XDH: variants seen among roughly 807,000 people sequenced by gnomAD.
The protein encoded by XDH is xanthine dehydrogenase, also known as xanthine dehydrogenase/oxidase.
XDH carries 138 observed loss-of-function variants against 156.1 expected under a neutral mutation model. The observed-to-expected ratio is 0.88, with a 90% confidence interval of 0.77 to 1.02. The LOEUF (loss-of-function observed/expected upper bound fraction) is 1.02, where lower values mean the gene tolerates loss of function less well. Among genes scored for constraint, XDH ranks in the 50% least tolerant of loss-of-function variants. XDH has a pLI of 0.00. For missense variants in XDH, 1,849 were observed against 1,684.9 expected, an observed-to-expected ratio of 1.10 and a Z score of -1.71; for synonymous variants, 669 against 625.7, an observed-to-expected ratio of 1.07 and a Z score of -1.03.
At chr2:31,367,889 A>T in intron 20 of XDH, 72 bp downstream of exon 20, 3 of 1,394,992 alleles carry the variant, frequency 2.2e-6, no homozygotes, top group Admixed American at 1.7e-5. Flanking sequence ...TTCAGGGTTC[A>T]ATGCATATCT....
At chr2:31,384,808 C>T (rs945555646) in intron 9 of XDH, among the ~76,000 whole-genome samples, 1 of 152,160 alleles carries the variant, frequency 6.6e-6, no homozygotes, top group Non-Finnish European at 1.5e-5. Flanking sequence ...TTTTGAATAT[C>T]AGCTTCCAGG....
chr2:31,378,107 AAAGGAAGGAAGGAAGGAAGGAAGG>A (rs1210425191), intron 13 of XDH, among the ~76,000 whole-genome samples: 76 of 54,484 alleles, frequency 1.4e-3, no homozygotes, highest in Non-Finnish European at 1.6e-3. Context: ...AGAAAGAAAG[AAAGGAAGGAAGGAAGGAAGGAAGG>A]AAGGAAGGAA....
At chr2:31,383,567 C>T (rs558167651) in intron 10 of XDH, among the ~76,000 whole-genome samples, 188 bp downstream of exon 10, 47 of 152,158 alleles carry the variant, frequency 3.1e-4, no homozygotes, top group African/African-American at 1.0e-3. Flanking sequence ...TGCCCACTGG[C>T]ACCCTACCAT....
At chr2:31,336,884 C>A in intron 35 of XDH, among the ~76,000 whole-genome samples, 1 of 75,492 alleles carries the variant, frequency 1.3e-5, no homozygotes, top group Non-Finnish European at 2.8e-5. Flanking sequence ...GTTGCAGTTG[C>A]AAAGGCAATT....
intron 35 of XDH, among the ~76,000 whole-genome samples, chr2:31,337,108 C>T (rs1160399961): frequency 2.0e-5 from 3 of 152,016 alleles, no homozygotes; most frequent in Non-Finnish European, 4.4e-5. Flanking sequence ...AATCAATCAC[C>T]CTATAATGGA....
At chr2:31,365,234 A>C (rs1685877476) in intron 23 of XDH, among the ~76,000 whole-genome samples, 1 of 152,222 alleles carries the variant, frequency 6.6e-6, no homozygotes, top group African/African-American at 2.4e-5. Flanking sequence ...AAATCCACAG[A>C]AGTCACGAAT....
chr2:31,350,535 C>T (rs912194525), intron 24 of XDH, among the ~76,000 whole-genome samples: 3 of 151,944 alleles, frequency 2.0e-5, no homozygotes, highest in Non-Finnish European at 4.4e-5. Flanking sequence ...CACCACACGC[C>T]CAGCTAATTT....
intron 1 of XDH, among the ~76,000 whole-genome samples, chr2:31,408,153 C>T (rs1328177277): frequency 6.6e-6 from 1 of 152,164 alleles, no homozygotes; most frequent in Non-Finnish European, 1.5e-5. Flanking sequence ...AGCCTTTCTC[C>T]CTTCTACTTC....
At chr2:31,375,119 G>A (rs1280515355) in intron 15 of XDH, among the ~76,000 whole-genome samples, 2 of 137,998 alleles carry the variant, frequency 1.4e-5, no homozygotes, top group Non-Finnish European at 3.0e-5. Flanking sequence ...TCCACCTCCC[G>A]AGTTCAAGTG....
At chr2:31,383,301 T>C in intron 10 of XDH, 149 bp from the exon 11 acceptor site, 1 of 1,272,632 alleles carries the variant, frequency 7.9e-7, no homozygotes, top group South Asian at 1.3e-5. Context: ...GGGCCCAGAG[T>C]GGTTGAGTGA....
chr2:31,345,293 C>T (rs187705538), intron 30 of XDH, among the ~76,000 whole-genome samples: 2 of 152,320 alleles, frequency 1.3e-5, no homozygotes, highest in East Asian at 3.9e-4. Context: ...CTCTCCCTAA[C>T]TGGCCATTAT....
At chr2:31,344,991 T>G (rs1160861075) in intron 30 of XDH, among the ~76,000 whole-genome samples, 1 of 152,140 alleles carries the variant, frequency 6.6e-6, no homozygotes, top group Non-Finnish European at 1.5e-5. Flanking sequence ...CCAGCCAGAG[T>G]GGCCATCTTA....
chr2:31,399,271 A>G (rs892329090), intron 4 of XDH, among the ~76,000 whole-genome samples: 1 of 152,170 alleles, frequency 6.6e-6, no homozygotes, highest in Non-Finnish European at 1.5e-5. Flanking sequence ...TTGGAAATGT[A>G]ACTTCTGAGG....
intron 24 of XDH, among the ~76,000 whole-genome samples, chr2:31,350,497 C>A (rs561102032): frequency 6.6e-6 from 1 of 151,354 alleles, no homozygotes; most frequent in Non-Finnish European, 1.5e-5. Flanking sequence ...CTGCCTCAGC[C>A]TCCTGAGTAG....
intron 34 of XDH, among the ~76,000 whole-genome samples, chr2:31,338,327 A>G (rs1685024385): frequency 6.6e-6 from 1 of 152,200 alleles, no homozygotes; most frequent in South Asian, 2.1e-4. Context: ...CAAAGTATAG[A>G]TCAGAGACCA....
At chr2:31,408,138 T>C (rs1687241646) in intron 1 of XDH, among the ~76,000 whole-genome samples, 1 of 152,206 alleles carries the variant, frequency 6.6e-6, no homozygotes, top group African/African-American at 2.4e-5. Context: ...CCAATCTTCA[T>C]TTTCAGCCTT....
intron 31 of XDH, 98 bp from the exon 32 acceptor site, chr2:31,342,395 C>T: frequency 1.9e-6 from 2 of 1,055,900 alleles, no homozygotes; most frequent in African/African-American, 1.6e-5. Context: ...TTAAACCCCA[C>T]AAGTTTTTGC....
chr2:31,376,912 TAGTAGCAGC>T lies in XDH; in HGVS notation c.1427+132_1427+140del. ...ATAGTAGAAGTAGAAGTGGTAGCAG[TAGTAGCAGC>T]AGTAGCAGTAGTTATGGTAGTAGTA... On this transcript the variant is annotated intron_variant, in intron 14 of 35. Transcript: ENST00000379416. 10 of 1,075,484 alleles carry T rather than the reference TAGTAGCAGC, an allele frequency of 9.3e-6. No homozygotes were observed. In the South Asian group the frequency reaches 1.3e-4, roughly 14 times the overall value. 66.6% of individuals were successfully genotyped at this position (1,075,484 alleles called of 1,614,324 possible).
At chr2:31,343,676 A>T (rs1298594172) in intron 31 of XDH, among the ~76,000 whole-genome samples, 2 of 147,500 alleles carry the variant, frequency 1.4e-5, no homozygotes, top group Non-Finnish European at 3.0e-5. Context: ...TATGTCTTAT[A>T]CATATATGTA....
Sources: allele counts gnomAD v4.1 joint callset (sites outside exome capture counted in the v4.1 genomes callset), GRCh38; gene constraint gnomAD v4.1.1; transcripts MANE v1.5; gene names NCBI Gene and HGNC (gene_info 2026-07-23, HGNC 2026-07-21).